The following TRPM3 variants were observed in gnomAD, a reference collection of about 807,000 sequenced individuals.
The protein encoded by TRPM3 is transient receptor potential cation channel subfamily M member 3, also known as long transient receptor potential channel 3.
TRPM3 carries 77 observed loss-of-function variants against 181.2 expected under a neutral mutation model. That is an observed-to-expected ratio of 0.42 (90% CI 0.35 to 0.51). The LOEUF is 0.51. Ranked by LOEUF, TRPM3 falls within the 20% of genes least tolerant of loss-of-function variation. The probability of loss-of-function intolerance (pLI) is 0.01; values close to 1 mark genes in which losing one functional copy is unlikely to be tolerated. For missense variants in TRPM3, 1,759 were observed against 2,196.7 expected (o/e 0.80, Z 3.98); for synonymous variants, 745 against 796.4 (o/e 0.94, Z 1.09).
At chr9:70,977,626 AC>A (rs1280002293) in intron 1 of TRPM3, among the ~76,000 whole-genome samples, 1 of 152,210 alleles carries the variant, frequency 6.6e-6, no homozygotes, top group Non-Finnish European at 1.5e-5. Flanking sequence ...TCCATTTCAG[AC>A]ACCAACAGTC....
chr9:71,126,602 A>G (rs1009013754), upstream of TRPM3, among the ~76,000 whole-genome samples: 16 of 152,332 alleles, frequency 1.1e-4, no homozygotes, highest in African/African-American at 3.8e-4. Flanking sequence ...TTCTTAAGGT[A>G]TATTTCCCCT....
intron 1 of TRPM3, among the ~76,000 whole-genome samples, chr9:71,266,598 C>T (rs1045918765): frequency 2.0e-5 from 3 of 151,960 alleles, no homozygotes; most frequent in Non-Finnish European, 2.9e-5. Flanking sequence ...GTGTTTTTAT[C>T]TTATTTTTAT....
chr9:70,998,662 C>T (rs2097569013), intron 1 of TRPM3, among the ~76,000 whole-genome samples: 1 of 152,180 alleles, frequency 6.6e-6, no homozygotes, highest in South Asian at 2.1e-4. Context: ...CCTCCTCCAT[C>T]ACTACTTCTT....
At chr9:70,861,376 ATT>A (rs1024227713) in intron 3 of TRPM3, among the ~76,000 whole-genome samples, 3 of 152,134 alleles carry the variant, frequency 2.0e-5, no homozygotes, top group Non-Finnish European at 2.9e-5. Context: ...TTACAAGCCT[ATT>A]GGTGCTCCAT....
chr9:70,544,620 T>C (rs556654089), intron 25 of TRPM3, among the ~76,000 whole-genome samples: 1 of 152,160 alleles, frequency 6.6e-6, no homozygotes, highest in East Asian at 1.9e-4. Context: ...TGGGGAACCA[T>C]GTCTAAGATA....
intron 1 of TRPM3, among the ~76,000 whole-genome samples, chr9:70,954,640 T>C (rs1335414267): frequency 1.3e-5 from 2 of 152,178 alleles, no homozygotes; most frequent in African/African-American, 4.8e-5. Context: ...GAATAAAATC[T>C]AGTTTCACAC....
intron 1 of TRPM3, among the ~76,000 whole-genome samples, chr9:70,971,656 T>C (rs752787388): frequency 1.1e-4 from 16 of 152,088 alleles, no homozygotes; most frequent in Non-Finnish European, 2.2e-4. Flanking sequence ...AAAAATGAGA[T>C]AAATTTGTAT....
At chr9:71,386,969 C>T (rs1357783907) in intron 1 of TRPM3, among the ~76,000 whole-genome samples, 2 of 152,168 alleles carry the variant, frequency 1.3e-5, no homozygotes, top group African/African-American at 4.8e-5. Context: ...AGCTAACAGT[C>T]AGAATTTTTG....
intron 1 of TRPM3, among the ~76,000 whole-genome samples, chr9:71,028,251 T>C (rs995296593): frequency 6.6e-6 from 1 of 152,080 alleles, no homozygotes; most frequent in Non-Finnish European, 1.5e-5. Context: ...AAGGTCCTTT[T>C]CAGACAAGCA....
chr9:71,446,290 T>C (rs1194135900), intron 1 of TRPM3, among the ~76,000 whole-genome samples: 1 of 152,316 alleles, frequency 6.6e-6, no homozygotes, highest in South Asian at 2.1e-4. Context: ...ACCTTCGACA[T>C]GCTGCACAGA....
chr9:70,874,525 T>C (rs1200137233), intron 1 of TRPM3, among the ~76,000 whole-genome samples: 2 of 151,964 alleles, frequency 1.3e-5, no homozygotes, highest in African/African-American at 4.8e-5. Flanking sequence ...GTGGGAATTA[T>C]AACTTCGTTT....
chr9:71,164,634 GAGA>G (rs1016505134), intron 1 of TRPM3, among the ~76,000 whole-genome samples: 3 of 152,140 alleles, frequency 2.0e-5, no homozygotes, highest in African/African-American at 7.2e-5. Flanking sequence ...TGATTTTAAG[GAGA>G]AGGAGAGTGA....
At chr9:70,830,880 C>T (rs1457883407) in intron 5 of TRPM3, among the ~76,000 whole-genome samples, 1 of 152,178 alleles carries the variant, frequency 6.6e-6, no homozygotes, top group Non-Finnish European at 1.5e-5. Flanking sequence ...TTCTCCGGCT[C>T]TGCTCTATTT....
At chr9:71,319,312 G>T (rs906852845) in intron 1 of TRPM3, among the ~76,000 whole-genome samples, 1 of 152,120 alleles carries the variant, frequency 6.6e-6, no homozygotes, top group African/African-American at 2.4e-5. Context: ...CTGCTCCCTG[G>T]AGGCCTAGGA....
At chr9:71,078,815 G>A (rs2063814835) in intron 1 of TRPM3, among the ~76,000 whole-genome samples, 1 of 150,468 alleles carries the variant, frequency 6.6e-6, no homozygotes, top group Non-Finnish European at 1.5e-5. Context: ...TCAATTTAGA[G>A]CATAATAAAT....
At chr9:71,157,717 T>C (rs1044718150) in intron 1 of TRPM3, among the ~76,000 whole-genome samples, 4 of 152,140 alleles carry the variant, frequency 2.6e-5, no homozygotes, top group Non-Finnish European at 5.9e-5. Flanking sequence ...ACAAAAACTA[T>C]AGAGTTTTAA....
chr9:70,995,116 A>G (rs1201925907), intron 1 of TRPM3, among the ~76,000 whole-genome samples: 1 of 151,978 alleles, frequency 6.6e-6, no homozygotes, highest in African/African-American at 2.4e-5. Context: ...GTGTGTGTGC[A>G]TGTAATCTCA....
chr9:70,655,628 C>T (rs1477021537), intron 9 of TRPM3, among the ~76,000 whole-genome samples: 3 of 151,996 alleles, frequency 2.0e-5, no homozygotes, highest in Non-Finnish European at 2.9e-5. Flanking sequence ...TTTAAAAGGC[C>T]TTTATGGTTT....
intron 8 of TRPM3, among the ~76,000 whole-genome samples, chr9:70,738,005 T>C (rs1010068705): frequency 6.6e-6 from 1 of 152,156 alleles, no homozygotes; most frequent in African/African-American, 2.4e-5. Flanking sequence ...ATTTAAACTA[T>C]GTCTTAGAAC....
Sources: allele counts gnomAD v4.1 joint callset (sites outside exome capture counted in the v4.1 genomes callset), GRCh38; gene constraint gnomAD v4.1.1; transcripts MANE v1.5; gene names NCBI Gene and HGNC (gene_info 2026-07-23, HGNC 2026-07-21).